Variants in RALYL observed in about 807,000 individuals in gnomAD.
RALYL encodes the protein RALY RNA binding protein like.
Under a neutral mutation model 35.1 loss-of-function variants are expected in RALYL, and 29 were observed. That is an observed-to-expected ratio of 0.83 (90% confidence interval 0.61 to 1.13). RALYL has a LOEUF of 1.13. RALYL is among the 50% of genes most tolerant of loss of function. The probability of loss-of-function intolerance (pLI) is 0.00; values close to 1 mark genes in which losing one functional copy is unlikely to be tolerated. For synonymous variants in RALYL, 120 were observed against 127.6 expected, an observed-to-expected ratio of 0.94 and a Z score of 0.40; for missense variants, 359 against 360.4, an observed-to-expected ratio of 1.00 and a Z score of 0.03.
chr8:84,192,907 G>T (rs995727046), intron 1 of RALYL, among the ~76,000 whole-genome samples: 1 of 92,892 alleles, frequency 1.1e-5, no homozygotes, highest in South Asian at 3.2e-4. Context: ...GTGTGTGTGT[G>T]GGGGGGGGGG....
chr8:84,790,773 GT>G (rs1244552839), intron 3 of RALYL, among the ~76,000 whole-genome samples: 2 of 152,182 alleles, frequency 1.3e-5, no homozygotes, highest in Non-Finnish European at 2.9e-5. Flanking sequence ...AGAAAGTGAT[GT>G]ACAGAAAATA....
chr8:84,579,284 G>A (rs1434826065), intron 2 of RALYL, among the ~76,000 whole-genome samples: 2 of 152,152 alleles, frequency 1.3e-5, no homozygotes, highest in Non-Finnish European at 2.9e-5. Context: ...CCCACTCCCG[G>A]GCACCAGGAG....
intron 8 of RALYL, among the ~76,000 whole-genome samples, chr8:84,916,349 T>A (rs1390382411): frequency 6.6e-6 from 1 of 152,014 alleles, no homozygotes; most frequent in Admixed American, 6.6e-5. Flanking sequence ...TTCTTTTTTT[T>A]TAAATCACAT....
chr8:84,217,830 G>T, intron 1 of RALYL, among the ~76,000 whole-genome samples: 1 of 152,054 alleles, frequency 6.6e-6, no homozygotes, highest in East Asian at 1.9e-4. Flanking sequence ...GAGCCTAATA[G>T]AATTTCCCAC....
chr8:84,457,694 T>A (rs186473741), intron 1 of RALYL, among the ~76,000 whole-genome samples: 77 of 152,030 alleles, frequency 5.1e-4, no homozygotes, highest in Middle Eastern at 3.4e-3. Flanking sequence ...ACATAATTTG[T>A]ATTCTTTGAA....
At chr8:84,800,986 G>A (rs998875729) in intron 3 of RALYL, among the ~76,000 whole-genome samples, 1 of 152,082 alleles carries the variant, frequency 6.6e-6, no homozygotes. Flanking sequence ...CCTTGAGTTG[G>A]CTATGATGTT....
intron 1 of RALYL, among the ~76,000 whole-genome samples, chr8:84,425,007 G>T (rs1388618615): frequency 6.6e-6 from 1 of 152,064 alleles, no homozygotes; most frequent in Non-Finnish European, 1.5e-5. Context: ...CTTTTTGTTT[G>T]TCTGTGCCCT....
chr8:84,599,226 T>G (rs970501597), intron 2 of RALYL, among the ~76,000 whole-genome samples: 2 of 152,066 alleles, frequency 1.3e-5, no homozygotes, highest in South Asian at 2.1e-4. Context: ...CACTAAAAAT[T>G]TCATATATGT....
At chr8:84,269,515 T>C (rs368312794) in intron 1 of RALYL, among the ~76,000 whole-genome samples, 3 of 152,172 alleles carry the variant, frequency 2.0e-5, no homozygotes, top group African/African-American at 7.2e-5. Flanking sequence ...TCAGTTTCAA[T>C]TCCATTATCT....
intron 2 of RALYL, among the ~76,000 whole-genome samples, chr8:84,600,952 C>T (rs902923415): frequency 6.6e-5 from 10 of 152,016 alleles, no homozygotes; most frequent in African/African-American, 9.7e-5. Context: ...TTAAGTTAAA[C>T]AATATGTTCA....
intron 1 of RALYL, among the ~76,000 whole-genome samples, chr8:84,423,717 C>T (rs1266187052): frequency 3.3e-5 from 5 of 151,674 alleles, no homozygotes; most frequent in South Asian, 2.1e-4. Flanking sequence ...TTAGTGCTTC[C>T]TTCAGGAGCT....
intron 1 of RALYL, among the ~76,000 whole-genome samples, chr8:84,311,834 A>C (rs921913296): frequency 6.6e-6 from 1 of 152,216 alleles, no homozygotes; most frequent in African/African-American, 2.4e-5. Context: ...GAGTCAGAGC[A>C]ACAATACCAA....
intron 1 of RALYL, among the ~76,000 whole-genome samples, chr8:84,304,560 A>T (rs989338717): frequency 2.6e-5 from 4 of 152,136 alleles, no homozygotes; most frequent in African/African-American, 7.2e-5. Context: ...CTTTTACATC[A>T]TATCCTGTGT....
chr8:84,624,222 G>A (rs1380672711), intron 2 of RALYL, among the ~76,000 whole-genome samples: 2 of 152,118 alleles, frequency 1.3e-5, no homozygotes. Context: ...TTTTCTTACT[G>A]TACTAGTTCT....
intron 2 of RALYL, among the ~76,000 whole-genome samples, chr8:84,772,531 T>A (rs1216232907): frequency 1.3e-5 from 2 of 152,082 alleles, no homozygotes; most frequent in Non-Finnish European, 2.9e-5. Flanking sequence ...TTTTATAATT[T>A]TTTTCATTAA....
chr8:84,380,234 C>T (rs183396900), intron 1 of RALYL, among the ~76,000 whole-genome samples: 2 of 152,008 alleles, frequency 1.3e-5, no homozygotes, highest in East Asian at 3.9e-4. Flanking sequence ...GAGAAAGATA[C>T]CTATGTCCCA....
intron 3 of RALYL, among the ~76,000 whole-genome samples, chr8:84,791,228 G>C (rs147848276): frequency 1.3e-5 from 2 of 152,134 alleles, no homozygotes; most frequent in African/African-American, 2.4e-5. Context: ...AGCCGTGAAG[G>C]GGGTGATGAG....
chr8:84,769,240 A>T (rs997889098), intron 2 of RALYL, among the ~76,000 whole-genome samples: 3 of 142,154 alleles, frequency 2.1e-5, no homozygotes, highest in Non-Finnish European at 3.1e-5. Flanking sequence ...GACAGCCTCG[A>T]TCTGGCTGTG....
intron 1 of RALYL, among the ~76,000 whole-genome samples, chr8:84,494,654 T>C (rs886563804): frequency 1.3e-5 from 2 of 152,092 alleles, no homozygotes; most frequent in African/African-American, 4.8e-5. Flanking sequence ...ATTCTCTTTG[T>C]AGCAATCATG....
Sources: allele counts gnomAD v4.1 joint callset (sites outside exome capture counted in the v4.1 genomes callset), GRCh38; gene constraint gnomAD v4.1.1; transcripts MANE v1.5; gene names NCBI Gene and HGNC (gene_info 2026-07-23, HGNC 2026-07-21).